The following GPR158 variants were observed in gnomAD, a reference collection of about 807,000 sequenced individuals.
GPR158 encodes G protein-coupled receptor 158.
Under a neutral mutation model 78.2 loss-of-function variants are expected in GPR158, and 30 were observed. The ratio of observed to expected loss-of-function variants is 0.38; its 90% CI spans 0.29 to 0.52. GPR158 has a LOEUF of 0.52. GPR158 is among the 20% of genes least tolerant of loss of function. The pLI is 0.83. For missense variants in GPR158, 1,463 were observed against 1,523.5 expected, an observed-to-expected ratio of 0.96 and a Z score of 0.66; for synonymous variants, 581 against 591.1, an observed-to-expected ratio of 0.98 and a Z score of 0.25.
In GPR158 at chr10:25,520,463, T is replaced by C. The variant is rs947904379; in HGVS notation, c.1405-30513T>C. Among the ~76,000 whole-genome samples the C allele has an allele frequency of 5.3e-5, 8 of 150,392 alleles. No individual in the cohort carries two copies. In the East Asian group the frequency reaches 1.2e-3, roughly 22 times the overall value. On this transcript the variant is annotated intron_variant, in intron 5 of 10. Coordinates refer to ENST00000376351, the MANE Select transcript of GPR158 (RefSeq NM_020752.3). ...AGGAGAGGCGTTCTGCGTTTTAGAG[T>C]TTCCAGTTTTTCTGTTCTGTTTTTT...
chr10:25,410,144 T>C (rs1421819311), intron 3 of GPR158, among the ~76,000 whole-genome samples: 1 of 152,184 alleles, frequency 6.6e-6, no homozygotes, highest in African/African-American at 2.4e-5. Flanking sequence ...CCAGTAATTA[T>C]CCACTCCGAG....
intron 2 of GPR158, among the ~76,000 whole-genome samples, chr10:25,299,016 G>A (rs1854554495): frequency 6.6e-6 from 1 of 152,160 alleles, no homozygotes; most frequent in South Asian, 2.1e-4. Context: ...GGTGAGCAAA[G>A]ATTGAACATT....
At chr10:25,205,253 T>G (rs1295314891) in intron 1 of GPR158, among the ~76,000 whole-genome samples, 1 of 151,066 alleles carries the variant, frequency 6.6e-6, no homozygotes, top group Non-Finnish European at 1.5e-5. Flanking sequence ...TCATTTCTAA[T>G]TGTGTTTATT....
rs758818087 is a variant in GPR158, at chr10:25,598,144, G to C, written c.2518G>C (p.Glu840Gln). The C allele has an allele frequency of 1.9e-6, 3 of 1,614,154 alleles. No homozygotes were observed. The highest frequency in any genetic ancestry group is 2.5e-6 in the Non-Finnish European group (3 of 1,180,024). The change falls in exon 11 of 11, where the codon GAG becomes CAG. Residue 840 changes from glutamate to glutamine, a missense_variant. Physicochemically the swap from Glu to Gln is conservative, Grantham distance 29 (BLOSUM62 2). Transcript: ENST00000376351. ...CAGTAGCCTACCCACAGAAAGCCAAGAGGAGGAGACAACAGAAAATTCCAC... is the reference window on the plus strand; with the variant it reads ...CAGTAGCCTACCCACAGAAAGCCAACAGGAGGAGACAACAGAAAATTCCAC... ...ESSSLPTESQ[E>Q]EETTENSTLE...
At chr10:25,508,685 G>T (rs543386395) in intron 5 of GPR158, among the ~76,000 whole-genome samples, 1 of 152,268 alleles carries the variant, frequency 6.6e-6, no homozygotes, top group East Asian at 1.9e-4. Flanking sequence ...CTGGCATCTG[G>T]CAGGTCACCA....
At chr10:25,479,374 T>G (rs1205529003) in intron 5 of GPR158, among the ~76,000 whole-genome samples, 6 of 152,216 alleles carry the variant, frequency 3.9e-5, no homozygotes, top group African/African-American at 1.2e-4. Flanking sequence ...TGAATATTAT[T>G]GGATCTTGAA....
intron 5 of GPR158, among the ~76,000 whole-genome samples, chr10:25,492,278 T>G (rs1288312218): frequency 6.6e-6 from 1 of 152,214 alleles, no homozygotes; most frequent in African/African-American, 2.4e-5. Context: ...GCCCTGCCTC[T>G]GCCAACCCTT....
chr10:25,195,844 T>C (rs1298756684), intron 1 of GPR158, among the ~76,000 whole-genome samples: 1 of 152,208 alleles, frequency 6.6e-6, no homozygotes, highest in African/African-American at 2.4e-5. Flanking sequence ...TACAGAAGTA[T>C]AGGTTCAAAG....
chr10:25,236,558 A>C (rs1853530004), intron 2 of GPR158, among the ~76,000 whole-genome samples: 1 of 152,188 alleles, frequency 6.6e-6, no homozygotes, highest in South Asian at 2.1e-4. Flanking sequence ...TGCAATACCC[A>C]ACCACTTGCC....
At chr10:25,367,304 A>AT (rs1004088954) in intron 2 of GPR158, among the ~76,000 whole-genome samples, 182 of 150,880 alleles carry the variant, frequency 1.2e-3, no homozygotes, top group African/African-American at 3.4e-3. Context: ...GGGTACATGG[A>AT]TTTTTTTTTC....
At chr10:25,503,403 C>T (rs1474664594) in intron 5 of GPR158, among the ~76,000 whole-genome samples, 1 of 152,018 alleles carries the variant, frequency 6.6e-6, no homozygotes, top group Non-Finnish European at 1.5e-5. Flanking sequence ...AAAAAAATCC[C>T]AACCTTTGTC....
chr10:25,252,303 T>C (rs1198906125), intron 2 of GPR158, among the ~76,000 whole-genome samples: 1 of 151,994 alleles, frequency 6.6e-6, no homozygotes, highest in Non-Finnish European at 1.5e-5. Context: ...TGAAGCCTTC[T>C]TCTCTCAGCT....
rs1248385151 is a variant in GPR158 at position 25,304,729 on chromosome 10, A to G, written c.1008+83572A>G. ...ACTTAAGCAGTTTGTCCAAAGTCAT[A>G]CTGGCTAGTAGGCTAATAAGTATCA... On this transcript the variant is annotated intron_variant, in intron 2 of 10. Coordinates refer to ENST00000376351, the MANE Select transcript of GPR158 (RefSeq NM_020752.3). 2.0e-5 allele frequency among the ~76,000 whole-genome samples: 3 copies of G among 152,158 alleles called. No homozygotes were observed. The East Asian group carries it at 5.8e-4, about 29-fold the overall frequency.
intron 2 of GPR158, among the ~76,000 whole-genome samples, chr10:25,223,100 T>G (rs1853322909): frequency 6.6e-6 from 1 of 152,224 alleles, no homozygotes; most frequent in Admixed American, 6.5e-5. Context: ...TCCTCTATTC[T>G]GATTAACAAA....
chr10:25,288,927 A>G (rs1420552839), intron 2 of GPR158, among the ~76,000 whole-genome samples: 4 of 152,216 alleles, frequency 2.6e-5, no homozygotes, highest in South Asian at 2.1e-4. Flanking sequence ...GGAAATTTAT[A>G]TACCCCTTAA....
At chr10:25,514,219 T>C (rs1836129369) in intron 5 of GPR158, among the ~76,000 whole-genome samples, 1 of 152,196 alleles carries the variant, frequency 6.6e-6, no homozygotes, top group Non-Finnish European at 1.5e-5. Flanking sequence ...AAGATTGTGA[T>C]ATTTTCCCGT....
In GPR158 at chr10:25,176,039, T is replaced by A; in HGVS notation, c.619T>A (p.Ser207Thr). 6.2e-7 allele frequency: 1 copy of A among 1,610,136 alleles called. No individual in the cohort carries two copies. Among genetic ancestry groups the A allele is most frequent in the South Asian group, 1.1e-5 (1 of 90,492 alleles). ...GAGCCGCATCCTGCTCCAAGACCTG[T>A]CCTCCTCCGCACCCCACCTGGCCAA... is the stretch of plus-strand genomic sequence containing the variant. ...EESRILLQDL[S>T]SSAPHLANAT... Residue 207 changes from serine to threonine, a missense_variant, in exon 1 of 11, where the codon TCC (serine) becomes ACC (threonine). Physicochemically the swap from Ser to Thr is moderately conservative, Grantham distance 58. Coordinates refer to ENST00000376351, the MANE Select transcript of GPR158 (RefSeq NM_020752.3). This position sits in a 1 kb window ranked among gnomAD's most constrained non-coding sequence, Gnocchi z 6.3.
Position 25,221,142 on chromosome 10 carries a change from C to T in GPR158, c.993C>T (p.His331=). The change falls in exon 2 of 11, where the codon CAC becomes CAT. Residue 331 remains histidine (H), a synonymous_variant. Transcript: ENST00000376351. The part of the protein sequence containing the change: ...DGWFSGTHKC[H]LNNSECMPIK... ...GGTTTTCAGGAACTCATAAATGCCA[C>T]CTCAACAATTCAGAGGTAAGAAGAT... 1 of 1,537,830 alleles carries T rather than the reference C, an allele frequency of 6.5e-7. No individual in the cohort carries two copies. Among genetic ancestry groups the T allele is most frequent in the Non-Finnish European group, 9.0e-7 (1 of 1,111,490 alleles).
chr10:25,409,281 G>A (rs192772993), intron 3 of GPR158, among the ~76,000 whole-genome samples: 78 of 152,262 alleles, frequency 5.1e-4, no homozygotes, highest in African/African-American at 1.8e-3. Context: ...GCATTTGTTT[G>A]TATGCTACCA....
Sources: allele counts gnomAD v4.1 joint callset (sites outside exome capture counted in the v4.1 genomes callset), GRCh38; gene constraint gnomAD v4.1.1; non-coding constraint Gnocchi (gnomAD v3.1); transcripts MANE v1.5; gene names NCBI Gene and HGNC (gene_info 2026-07-23, HGNC 2026-07-21).